The following SLC22A2 variants were observed in gnomAD, a reference collection of about 807,000 sequenced individuals.
SLC22A2 encodes solute carrier family 22 member 2, also known as organic cation transporter 2.
In SLC22A2, 46 loss-of-function variants were observed where a neutral mutation model predicts 60.5. The observed-to-expected ratio is 0.76, with a 90% CI of 0.60 to 0.97. The LOEUF (loss-of-function observed/expected upper bound fraction) is 0.97. SLC22A2 is among the 50% of genes least tolerant of loss of function. The pLI is 0.00. For missense variants in SLC22A2, 701 were observed against 706.6 expected (o/e 0.99, Z 0.09); for synonymous variants, 303 against 267.0 (o/e 1.13, Z -1.31).
chr6:160,228,353 C>A (rs1490822606), intron 9 of SLC22A2, among the ~76,000 whole-genome samples: 1 of 152,046 alleles, frequency 6.6e-6, no homozygotes, highest in Non-Finnish European at 1.5e-5. Flanking sequence ...GTTAGAGGCC[C>A]AATTTAGGGG....
intron 2 of SLC22A2, among the ~76,000 whole-genome samples, chr6:160,255,874 C>T (rs1307001958): frequency 1.3e-5 from 2 of 152,102 alleles, no homozygotes; most frequent in Non-Finnish European, 2.9e-5. Flanking sequence ...AGCAAAGCTG[C>T]ATGTTGTAGG....
intron 9 of SLC22A2, among the ~76,000 whole-genome samples, chr6:160,240,426 T>A (rs315989): frequency 1.4e-4 from 21 of 152,026 alleles, no homozygotes; most frequent in African/African-American, 4.4e-4. Context: ...ATTATCAGTG[T>A]GGAATCAGCA....
chr6:160,241,877 TTA>T (rs10532482), intron 8 of SLC22A2, among the ~76,000 whole-genome samples: 22,491 of 150,392 alleles, frequency 0.15, 2,173 homozygotes, highest in African/African-American at 0.27. Flanking sequence ...GCACAATATT[TTA>T]TATATATATA....
At chr6:160,236,178 T>A (rs1025895312) in intron 9 of SLC22A2, among the ~76,000 whole-genome samples, 1 of 152,322 alleles carries the variant, frequency 6.6e-6, no homozygotes, top group East Asian at 1.9e-4. Context: ...TATTCTTGAA[T>A]GCAGGTTTCT....
At chr6:160,257,203 A>G (rs1180463027) in intron 1 of SLC22A2, among the ~76,000 whole-genome samples, 1 of 152,180 alleles carries the variant, frequency 6.6e-6, no homozygotes, top group African/African-American at 2.4e-5. Flanking sequence ...TTCTAATTTC[A>G]ATGCACATGC....
intron 10 of SLC22A2, among the ~76,000 whole-genome samples, chr6:160,220,748 C>T (rs185373605): frequency 2.2e-3 from 342 of 152,204 alleles, no homozygotes; most frequent in Admixed American, 6.9e-3. Context: ...TCTTGGGTGA[C>T]CAGGTGTATG....
At position 160,258,680 on chromosome 6, in the gene SLC22A2, C is replaced by G; in HGVS notation, c.78G>C (p.Leu26Phe). 1 of 1,610,416 alleles carries G rather than the reference C, an allele frequency of 6.2e-7. No individual in the cohort carries two copies. The highest frequency in any genetic ancestry group is 8.5e-7 in the Non-Finnish European group (1 of 1,178,242). Residue 26 changes from leucine to phenylalanine, a missense_variant, in exon 1 of 11, where the codon TTG becomes TTC. Transcript: ENST00000366953. Reference protein sequence around the residue: ...HFFQKQMFFLLALLSATFAPI... With the variant: ...HFFQKQMFFLFALLSATFAPI... ...GCGCGAAGGTAGCCGAGAGCAGAGC[C>G]AAGAGGAAAAACATTTGCTTCTGGA...
chr6:160,229,272 C>T (rs1782778899), intron 9 of SLC22A2, among the ~76,000 whole-genome samples: 1 of 151,942 alleles, frequency 6.6e-6, no homozygotes, highest in Non-Finnish European at 1.5e-5. Context: ...TCAATCTTGG[C>T]ACCACACTTC....
Position 160,258,391 on chromosome 6 carries a change from G to T in SLC22A2, c.367C>A (p.Arg123=). The part of the protein sequence containing the change: ...NRSRLPLGPC[R]DGWVYETPGS... ...GGCGTCTCGTACACCCAGCCGTCCC[G>T]GCAGGGGCCCAGTGGCAGGCGGCTC... Residue 123 remains arginine, a synonymous_variant, in exon 1 of 11, where the codon CGG becomes AGG. Transcript: ENST00000366953. 6.2e-7 allele frequency: 1 copy of T among 1,613,808 alleles called. No individual in the cohort carries two copies. Among genetic ancestry groups the T allele is most frequent in the Non-Finnish European group, 8.5e-7 (1 of 1,179,910 alleles).
intron 10 of SLC22A2, among the ~76,000 whole-genome samples, chr6:160,219,835 T>C (rs760376490): frequency 4.8e-4 from 73 of 152,198 alleles, no homozygotes; most frequent in Non-Finnish European, 9.3e-4. Context: ...AAATGTGCAA[T>C]ATTATGTCTG....
rs141723632 is a variant in SLC22A2 at position 160,246,098 on chromosome 6, C to T, written c.958-553G>A. On this transcript the variant is annotated intron_variant, in intron 5 of 10. Coordinates refer to ENST00000366953, the MANE Select transcript of SLC22A2 (RefSeq NM_003058.4). ...GGCCAGGCTGGTCTCAAACTCCTGA[C>T]CTAGTGATCTGCCCGCCTCGGCTTC... Among the ~76,000 whole-genome samples, 184 of 152,040 alleles carry T rather than the reference C, an allele frequency of 1.2e-3. 6 individuals carry two copies. In the East Asian group the frequency reaches 0.034, roughly 28 times the overall value.
chr6:160,219,104 G>GC (rs1782598522), intron 10 of SLC22A2, among the ~76,000 whole-genome samples: 1 of 60 alleles, frequency 0.017, no homozygotes, highest in African/African-American at 0.05. Context: ...AACAGCAACA[G>GC]AAGCAATAAC....
intron 9 of SLC22A2, among the ~76,000 whole-genome samples, chr6:160,227,461 G>A (rs1313284181): frequency 6.6e-6 from 1 of 152,120 alleles, no homozygotes. Context: ...TGGATACCTC[G>A]CATGTATTGA....
At chr6:160,245,631 G>A (rs980144325) in intron 5 of SLC22A2, 86 bp from the exon 6 acceptor site, 60 of 607,474 alleles carry the variant, frequency 9.9e-5, no homozygotes, top group Middle Eastern at 6.3e-4. Flanking sequence ...ATTTCTTACC[G>A]TCCTGAGCGC....
intron 10 of SLC22A2, among the ~76,000 whole-genome samples, chr6:160,219,801 G>T (rs140629393): frequency 1.3e-5 from 2 of 151,986 alleles, no homozygotes; most frequent in Non-Finnish European, 2.9e-5. Flanking sequence ...TAAAAGTTAC[G>T]GTTACACTAT....
Position 160,247,173 on chromosome 6 carries a change from C to T in SLC22A2, c.957+11G>A, listed in dbSNP as rs370113667. 83 of 1,448,066 alleles carry T rather than the reference C, an allele frequency of 5.7e-5. No homozygotes were observed. Among genetic ancestry groups the T allele is most frequent in the East Asian group, 1.1e-4 (5 of 44,096 alleles). The allele number at this position is 1,448,066 out of a possible 1,614,324, so 89.7% of individuals were successfully genotyped here. A position where few individuals can be genotyped will look rare whatever the true frequency, so the allele number is the denominator to read the frequency against. On this transcript the variant is annotated intron_variant, in intron 5 of 10. Transcript: ENST00000366953. ...CCATCCCCTGATTTGATACTTAAGG[C>T]CCTGGCTCACCTGAAGGGAGGCGGG... is the stretch of plus-strand genomic sequence containing the variant.
intron 7 of SLC22A2, among the ~76,000 whole-genome samples, chr6:160,242,701 C>G (rs1490573219): frequency 6.6e-6 from 1 of 152,054 alleles, no homozygotes. Context: ...TGCCCCCACA[C>G]ATGCATTCCA....
chr6:160,224,660 T>G (rs2114850712), intron 10 of SLC22A2, 45 bp downstream of exon 10: 1 of 1,320,562 alleles, frequency 7.6e-7, no homozygotes, highest in East Asian at 2.4e-5. Context: ...AGGGTTGTCT[T>G]AAAACCTTTA....
At chr6:160,222,650 G>C (rs1782660678) in intron 10 of SLC22A2, among the ~76,000 whole-genome samples, 1 of 152,158 alleles carries the variant, frequency 6.6e-6, no homozygotes. Flanking sequence ...TACGGGGTGG[G>C]AGGTGGTTGG....
Sources: allele counts gnomAD v4.1 joint callset (sites outside exome capture counted in the v4.1 genomes callset), GRCh38; gene constraint gnomAD v4.1.1; transcripts MANE v1.5; gene names NCBI Gene and HGNC (gene_info 2026-07-23, HGNC 2026-07-21).